Variants in SLIT3 observed in about 807,000 individuals in gnomAD.
The protein encoded by SLIT3 is slit homolog 3 protein.
Under a neutral mutation model 184.0 loss-of-function variants are expected in SLIT3, and 68 were observed. The observed-to-expected ratio is 0.37, with a 90% CI of 0.30 to 0.45. The LOEUF (loss-of-function observed/expected upper bound fraction) is 0.45. SLIT3 is among the 20% of genes least tolerant of loss of function. The pLI is 1.00. For missense variants in SLIT3, 1,707 were observed against 2,026.0 expected (o/e 0.84, Z 3.02); for synonymous variants, 831 against 828.6 (o/e 1.00, Z -0.05).
At position 168,954,791 on chromosome 5, in the gene SLIT3, A is replaced by T. The variant is rs192627585; in HGVS notation, c.414-71455T>A. Among the ~76,000 whole-genome samples the T allele has an allele frequency of 2.4e-3, 368 of 152,270 alleles. 2 individuals are homozygous for T. The highest frequency in any genetic ancestry group is 4.0e-3 in the Non-Finnish European group (271 of 68,020). ...GTTTGGTAAACTGATGAGTAAAGAGATTGTTTAAAGAGGACAGTTCTAGCT... is the reference window on the plus strand; with the variant it reads ...GTTTGGTAAACTGATGAGTAAAGAGTTTGTTTAAAGAGGACAGTTCTAGCT... On this transcript the variant is annotated intron_variant, in intron 4 of 35. Coordinates refer to ENST00000519560, the MANE Select transcript of SLIT3 (RefSeq NM_003062.4).
At chr5:168,788,648 A>T (rs1024142474) in intron 11 of SLIT3, among the ~76,000 whole-genome samples, 7 of 151,820 alleles carry the variant, frequency 4.6e-5, no homozygotes, top group African/African-American at 1.7e-4. Context: ...GGTACTAGGG[A>T]TACATCCGTG....
intron 5 of SLIT3, among the ~76,000 whole-genome samples, chr5:168,879,395 G>A (rs761718060): frequency 1.3e-5 from 2 of 152,194 alleles, no homozygotes; most frequent in South Asian, 2.1e-4. Flanking sequence ...GGACTGGTAG[G>A]AGGAGGAGTG....
chr5:168,751,728 CT>C (rs373074911), intron 18 of SLIT3, among the ~76,000 whole-genome samples: 7,434 of 143,722 alleles, frequency 0.052, 554 homozygotes, highest in African/African-American at 0.17. Context: ...CCAGTGACAT[CT>C]TTTTTTTTTT....
intron 1 of SLIT3, among the ~76,000 whole-genome samples, chr5:169,257,307 C>G (rs963901807): frequency 6.6e-6 from 1 of 151,858 alleles, no homozygotes; most frequent in South Asian, 2.1e-4. Context: ...TGAAAGAACC[C>G]GAGTCCCTGA....
At chr5:169,271,936 C>T (rs1004290932) in intron 1 of SLIT3, among the ~76,000 whole-genome samples, 1 of 152,134 alleles carries the variant, frequency 6.6e-6, no homozygotes, top group Non-Finnish European at 1.5e-5. Flanking sequence ...TCCATAGACT[C>T]GTAATGGGCA....
chr5:169,058,334 G>A (rs564227497), intron 4 of SLIT3, among the ~76,000 whole-genome samples: 201 of 152,212 alleles, frequency 1.3e-3, no homozygotes, highest in African/African-American at 2.6e-3. Flanking sequence ...TTAGGGTTCC[G>A]GGAGGGCCAC....
At chr5:168,972,337 A>ATATGTGTGTGTGTGTG (rs370210394) in intron 4 of SLIT3, among the ~76,000 whole-genome samples, 3 of 118,250 alleles carry the variant, frequency 2.5e-5, no homozygotes, top group African/African-American at 1.1e-4. Flanking sequence ...GCAGGACAAC[A>ATATGTGTGTGTGTGTG]TGTGTGTGTG....
intron 6 of SLIT3, among the ~76,000 whole-genome samples, chr5:168,842,645 A>G (rs1318168993): frequency 6.6e-6 from 1 of 151,924 alleles, no homozygotes; most frequent in Non-Finnish European, 1.5e-5. Context: ...AGTTGGGGAG[A>G]TAGACTCAGA....
At chr5:169,259,603 G>A (rs572324808) in intron 1 of SLIT3, among the ~76,000 whole-genome samples, 2 of 152,272 alleles carry the variant, frequency 1.3e-5, no homozygotes, top group South Asian at 4.2e-4. Flanking sequence ...AAGAAGATCA[G>A]GTCTCAACAT....
intron 3 of SLIT3, among the ~76,000 whole-genome samples, chr5:169,221,806 G>C (rs186465379): frequency 1.2e-4 from 18 of 152,322 alleles, no homozygotes; most frequent in Admixed American, 9.2e-4. Flanking sequence ...ACACTTCACT[G>C]AGAAGCTCCT....
chr5:169,058,447 G>T (rs143708814), intron 4 of SLIT3, among the ~76,000 whole-genome samples: 1 of 152,356 alleles, frequency 6.6e-6, no homozygotes, highest in Admixed American at 6.5e-5. Flanking sequence ...GGAGGCAAGA[G>T]CGGCTCAGGA....
At chr5:169,070,676 C>T (rs2113124048) in intron 4 of SLIT3, among the ~76,000 whole-genome samples, 1 of 151,996 alleles carries the variant, frequency 6.6e-6, no homozygotes, top group South Asian at 2.1e-4. Context: ...CTAATCTGAC[C>T]TTCCAAGGTA....
At position 169,216,612 on chromosome 5, in the gene SLIT3, T is replaced by C. The variant is rs1374346248; in HGVS notation, c.342-23062A>G. ...ATCAGACTTGGGGAAGAACGTGCTGTAATGTTAAACCCCAAAGGGCCACTC... is the reference window on the plus strand; with the variant it reads ...ATCAGACTTGGGGAAGAACGTGCTGCAATGTTAAACCCCAAAGGGCCACTC... On this transcript the variant is annotated intron_variant, in intron 3 of 35. Coordinates refer to ENST00000519560, the MANE Select transcript of SLIT3 (RefSeq NM_003062.4). 2.0e-5 allele frequency among the ~76,000 whole-genome samples: 3 copies of C among 152,136 alleles called. No individual in the cohort carries two copies. In the East Asian group the frequency reaches 5.8e-4, roughly 29 times the overall value.
chr5:169,130,643 A>G (rs1761261014), intron 4 of SLIT3, among the ~76,000 whole-genome samples: 2 of 152,232 alleles, frequency 1.3e-5, no homozygotes. Flanking sequence ...TATTTGTTAC[A>G]TGAGCAAATA....
Position 168,823,322 on chromosome 5 carries a change from G to A in SLIT3, c.567C>T (p.Asn189=). Residue 189 remains asparagine, a synonymous_variant, in exon 7 of 36, where the codon AAC becomes AAT. Coordinates refer to ENST00000519560, the MANE Select transcript of SLIT3 (RefSeq NM_003062.4). ...ALRDLEILTL[N]NNNISRILVT... Reference sequence around the variant, plus strand: ...CCAGGATGCGACTGATGTTGTTGTTGTTGAGGGTACTGTGGAGATAGACAA... The same window carrying A: ...CCAGGATGCGACTGATGTTGTTGTTATTGAGGGTACTGTGGAGATAGACAA... The A allele has an allele frequency of 6.2e-7, 1 of 1,613,722 alleles. No individual in the cohort carries two copies. Among genetic ancestry groups the A allele is most frequent in the South Asian group, 1.1e-5 (1 of 91,068 alleles).
chr5:169,195,548 A>G (rs767837164), intron 3 of SLIT3, among the ~76,000 whole-genome samples: 4 of 152,202 alleles, frequency 2.6e-5, no homozygotes, highest in Non-Finnish European at 5.9e-5. Flanking sequence ...TTTGTTTGAG[A>G]CGGAGTCTCG....
intron 3 of SLIT3, among the ~76,000 whole-genome samples, chr5:169,203,594 A>G (rs1763972331): frequency 6.6e-6 from 1 of 151,856 alleles, no homozygotes; most frequent in East Asian, 1.9e-4. Flanking sequence ...GAGATTTTCT[A>G]CTCTTGCAGC....
At position 169,238,977 on chromosome 5, in the gene SLIT3, C is replaced by T. The variant is rs188140926; in HGVS notation, c.341+5728G>A. ...GCCCTCTTCTCAGGGTCCTAAGAAC[C>T]GTAGCTGCCTTCCCTCTGCTTTCTC... On this transcript the variant is annotated intron_variant, in intron 3 of 35. Coordinates refer to ENST00000519560, the MANE Select transcript of SLIT3 (RefSeq NM_003062.4). 1.4e-4 allele frequency among the ~76,000 whole-genome samples: 22 copies of T among 152,212 alleles called. No individual in the cohort carries two copies. The Middle Eastern group carries it at 0.01, about 71-fold the overall frequency.
intron 26 of SLIT3, among the ~76,000 whole-genome samples, chr5:168,703,465 G>A (rs574195757): frequency 1.7e-4 from 26 of 152,046 alleles, no homozygotes; most frequent in Non-Finnish European, 3.1e-4. Context: ...ATTCTCATAG[G>A]AGCACACACC....
Sources: allele counts gnomAD v4.1 joint callset (sites outside exome capture counted in the v4.1 genomes callset), GRCh38; gene constraint gnomAD v4.1.1; transcripts MANE v1.5; gene names NCBI Gene and HGNC (gene_info 2026-07-23, HGNC 2026-07-21).